CSMD1: variants seen among roughly 807,000 people sequenced by gnomAD.
The protein encoded by CSMD1 is CUB and sushi domain-containing protein 1.
CSMD1 carries 213 observed loss-of-function variants against 417.5 expected under a neutral mutation model. The observed-to-expected ratio is 0.51, with a 90% CI of 0.46 to 0.57. The LOEUF is 0.57. Ranked by LOEUF, CSMD1 falls within the 20% of genes least tolerant of loss-of-function variation. The probability of loss-of-function intolerance (pLI) is 0.00; values close to 1 mark genes in which losing one functional copy is unlikely to be tolerated. For synonymous variants in CSMD1, 2,862 were observed against 1,736.8 expected, an observed-to-expected ratio of 1.65 and a Z score of -16.11; for missense variants, 6,923 against 4,529.7, an observed-to-expected ratio of 1.53 and a Z score of -15.17.
chr8:3,441,967 G>C (rs1248526831), intron 12 of CSMD1, among the ~76,000 whole-genome samples: 1 of 152,044 alleles, frequency 6.6e-6, no homozygotes, highest in African/African-American at 2.4e-5. Flanking sequence ...AGACTTTCCA[G>C]TGGGACAAGA....
chr8:3,960,723 A>T (rs1036717274), intron 5 of CSMD1, among the ~76,000 whole-genome samples: 31 of 152,046 alleles, frequency 2.0e-4, no homozygotes, highest in African/African-American at 7.2e-4. Context: ...TTTAAGGATA[A>T]ATTTAATTCA....
chr8:4,809,753 A>T (rs1263871947), intron 1 of CSMD1, among the ~76,000 whole-genome samples: 4 of 152,230 alleles, frequency 2.6e-5, no homozygotes, highest in Admixed American at 2.0e-4. Context: ...GAAAATTGAG[A>T]TAATTCATGT....
At chr8:4,638,878 G>T (rs564402487) in intron 1 of CSMD1, among the ~76,000 whole-genome samples, 2 of 152,294 alleles carry the variant, frequency 1.3e-5, no homozygotes, top group East Asian at 3.9e-4. Context: ...TGCCTCTGAA[G>T]ATTTTGTGTT....
intron 28 of CSMD1, among the ~76,000 whole-genome samples, chr8:3,222,926 A>T (rs1354457025): frequency 6.6e-6 from 1 of 152,184 alleles, no homozygotes; most frequent in Non-Finnish European, 1.5e-5. Flanking sequence ...TGACATAAAG[A>T]TCTGCAGAAA....
chr8:3,266,582 G>C (rs1374966024), intron 26 of CSMD1, among the ~76,000 whole-genome samples: 2 of 140,234 alleles, frequency 1.4e-5, no homozygotes, highest in African/African-American at 5.4e-5. Context: ...TTCCAGCCTG[G>C]TGGCAGAGTG....
chr8:3,603,726 C>T (rs2449171), intron 8 of CSMD1, among the ~76,000 whole-genome samples: 1 of 151,898 alleles, frequency 6.6e-6, no homozygotes, highest in Non-Finnish European at 1.5e-5. Context: ...TCTTAAAAAA[C>T]CCCCTGATAT....
At chr8:3,724,766 C>G (rs1372713484) in intron 6 of CSMD1, among the ~76,000 whole-genome samples, 1 of 152,078 alleles carries the variant, frequency 6.6e-6, no homozygotes, top group Non-Finnish European at 1.5e-5. Flanking sequence ...TGAGTGTAAG[C>G]AAAAAGCCAT....
chr8:3,569,313 C>T (rs376590655), intron 10 of CSMD1, among the ~76,000 whole-genome samples: 2 of 152,110 alleles, frequency 1.3e-5, no homozygotes, highest in African/African-American at 2.4e-5. Context: ...TGCTAAGATT[C>T]CGCAAGTAAT....
chr8:3,713,863 T>C (rs980033429), intron 6 of CSMD1, among the ~76,000 whole-genome samples: 2 of 152,280 alleles, frequency 1.3e-5, no homozygotes, highest in Admixed American at 1.3e-4. Context: ...AAATCTTGTG[T>C]CTTCAACTTT....
chr8:3,404,333 T>C (rs1360528770), intron 15 of CSMD1, among the ~76,000 whole-genome samples: 1 of 10,134 alleles, frequency 9.9e-5, no homozygotes, highest in Non-Finnish European at 2.3e-4. Flanking sequence ...AGACGCTATC[T>C]CAAAAAAAAA....
intron 3 of CSMD1, among the ~76,000 whole-genome samples, chr8:4,363,945 C>T (rs976925877): frequency 5.9e-5 from 9 of 151,992 alleles, no homozygotes; most frequent in African/African-American, 2.2e-4. Context: ...TTAACAAGTA[C>T]AAAAAAGAAA....
intron 3 of CSMD1, among the ~76,000 whole-genome samples, chr8:4,158,594 T>A (rs1429389219): frequency 6.6e-6 from 1 of 152,098 alleles, no homozygotes; most frequent in Non-Finnish European, 1.5e-5. Context: ...TTCCCCTCCT[T>A]CTTATTTTTC....
rs552597015 is a variant in CSMD1, at chr8:3,499,343, G to C, written c.1345-5617C>G. Among the ~76,000 whole-genome samples, 4 of 152,224 alleles carry C rather than the reference G, an allele frequency of 2.6e-5. No homozygotes were observed. In the East Asian group the frequency reaches 5.8e-4, roughly 22 times the overall value. The stretch of plus-strand genomic sequence containing the variant: ...TTGGTTCAGCTCTAATGCAGATGGA[G>C]ACTTTGGGGTGGCCTTGTTTTGGGG... On this transcript the variant is annotated intron_variant, in intron 10 of 69. Coordinates refer to ENST00000635120, the MANE Select transcript of CSMD1 (RefSeq NM_033225.6).
chr8:4,451,086 G>A (rs763332390), intron 2 of CSMD1, among the ~76,000 whole-genome samples: 76 of 152,148 alleles, frequency 5.0e-4, no homozygotes, highest in Admixed American at 1.4e-3. Flanking sequence ...AGCACTTTGG[G>A]AGGCCAAGGC....
chr8:3,232,856 A>G (rs1001988277), intron 26 of CSMD1, among the ~76,000 whole-genome samples: 3 of 151,934 alleles, frequency 2.0e-5, no homozygotes, highest in Non-Finnish European at 4.4e-5. Flanking sequence ...TTCAGTATGT[A>G]TTTAGTTGTA....
intron 3 of CSMD1, among the ~76,000 whole-genome samples, chr8:4,264,547 T>A (rs9694772): frequency 0.096 from 14,532 of 152,132 alleles, 927 homozygotes; most frequent in African/African-American, 0.16. Context: ...AAAGCCCTGT[T>A]TTTAAGGGTT....
At chr8:4,439,966 G>T (rs899455612) in intron 2 of CSMD1, among the ~76,000 whole-genome samples, 2 of 152,086 alleles carry the variant, frequency 1.3e-5, no homozygotes, top group African/African-American at 4.8e-5. Context: ...TTAAGATCCT[G>T]GCCTGCACAC....
chr8:4,949,265 C>A (rs1444850232), intron 1 of CSMD1, among the ~76,000 whole-genome samples: 1 of 151,698 alleles, frequency 6.6e-6, no homozygotes, highest in African/African-American at 2.4e-5. Flanking sequence ...TGAGAGTGGC[C>A]TGGGATTGTC....
Position 4,351,739 on chromosome 8 carries a change from T to C in CSMD1, c.415+68214A>G, listed in dbSNP as rs78744290. 2.5e-3 allele frequency among the ~76,000 whole-genome samples: 388 copies of C among 152,220 alleles called. 4 individuals are homozygous for C. Among genetic ancestry groups the C allele is most frequent in the African/African-American group, 7.8e-3 (324 of 41,542 alleles). ...ATGGAAAAGAAAAAGGCCTTCTAGGTTGAGCAAGACCCACTTGAGAAGATG... is the reference window on the plus strand; with the variant it reads ...ATGGAAAAGAAAAAGGCCTTCTAGGCTGAGCAAGACCCACTTGAGAAGATG... On this transcript the variant is annotated intron_variant, in intron 3 of 69. Coordinates refer to ENST00000635120, the MANE Select transcript of CSMD1 (RefSeq NM_033225.6).
Sources: gnomAD v4.1 joint callset for allele counts (sites outside exome capture counted in the v4.1 genomes callset) on GRCh38, gnomAD v4.1.1 for gene constraint, MANE v1.5 for transcripts, NCBI Gene and HGNC (gene_info 2026-07-23, HGNC 2026-07-21) for gene names.